The following HLA-DPA1 variants were observed in gnomAD, a reference collection of about 807,000 sequenced individuals.
HLA-DPA1 encodes the protein major histocompatibility complex, class II, DP alpha 1, also known as HLA class II histocompatibility antigen, DP alpha 1 chain.
A neutral mutation model predicts 21.5 loss-of-function variants in HLA-DPA1; 20 were observed. The observed-to-expected ratio is 0.93, with a 90% CI of 0.66 to 1.35. The LOEUF (loss-of-function observed/expected upper bound fraction) is 1.35. HLA-DPA1 is among the 40% of genes most tolerant of loss of function. The pLI, the probability that HLA-DPA1 is intolerant of heterozygous loss-of-function variation, is 0.00. For missense variants in HLA-DPA1, 279 were observed against 323.0 expected (o/e 0.86, Z 1.05); for synonymous variants, 123 against 129.6 (o/e 0.95, Z 0.35).
chr6:33,079,740 G>T, intron 1 of HLA-DPA1: 1 of 504,828 alleles, frequency 2.0e-6, no homozygotes, highest in South Asian at 1.4e-5. Context: ...AAATCTTACT[G>T]TGCTGAGATC....
chr6:33,076,169 G>A (rs1489539370), intron 1 of HLA-DPA1: 2 of 1,485,230 alleles, frequency 1.3e-6, no homozygotes, highest in African/African-American at 1.4e-5. Flanking sequence ...ATTCTTGGAG[G>A]GTCTGGCTCA....
At chr6:33,068,059 T>C (rs1372396873) in intron 5 of HLA-DPA1, 1 of 152,202 alleles carries the variant, frequency 6.6e-6, no homozygotes, top group African/African-American at 2.4e-5. Flanking sequence ...TTATGATAAA[T>C]AGAAACCTGT....
At chr6:33,074,110 T>C (rs949816361) in intron 1 of HLA-DPA1, among the ~76,000 whole-genome samples, 2 of 152,232 alleles carry the variant, frequency 1.3e-5, no homozygotes, top group African/African-American at 4.8e-5. Flanking sequence ...AGATACCTCC[T>C]TTTTATTTAA....
At chr6:33,076,734 G>T (rs144015997) in intron 1 of HLA-DPA1, among the ~76,000 whole-genome samples, 3,301 of 152,192 alleles carry the variant, frequency 0.022, 49 homozygotes, top group Middle Eastern at 0.079. Flanking sequence ...AGTGGGTTGC[G>T]ACTTGTAGGA....
chr6:33,073,379 G>C, intron 2 of HLA-DPA1, 92 bp downstream of exon 1: 1 of 804,840 alleles, frequency 1.2e-6, no homozygotes, highest in Non-Finnish European at 2.2e-6. Context: ...ATAGATCAAT[G>C]AGCCCCTAAA....
In HLA-DPA1 at chr6:33,080,308, A is replaced by T; in HGVS notation, c.-100+372T>A. ...AGTAGGGGGAGCAGCTCCGCCCTCCACGTCCCCAGCTCCTCCCGCCCCTGT... is the reference window on the plus strand; with the variant it reads ...AGTAGGGGGAGCAGCTCCGCCCTCCTCGTCCCCAGCTCCTCCCGCCCCTGT... On this transcript the variant is annotated intron_variant, in intron 1 of 5. Coordinates refer to ENST00000419277, the Ensembl canonical transcript of HLA-DPA1. This position sits in a 1 kb window ranked among gnomAD's most constrained non-coding sequence, Gnocchi z 4.3. 2.3e-6 allele frequency: 1 copy of T among 434,870 alleles called. No homozygotes were observed. Among genetic ancestry groups the T allele is most frequent in the Non-Finnish European group, 4.5e-6 (1 of 220,672 alleles). 26.9% of individuals were successfully genotyped at this position (434,870 alleles called of 1,614,324 possible).
Position 33,076,265 on chromosome 6 carries a change from T to C in HLA-DPA1, c.-99-2596A>G, listed in dbSNP as rs145904501. 1,349 of 651,190 alleles carry C rather than the reference T, an allele frequency of 2.1e-3. 14 individuals are homozygous for C. The highest frequency in any genetic ancestry group is 0.012 in the East Asian group (422 of 36,626). 40.3% of individuals were successfully genotyped at this position (651,190 alleles called of 1,614,324 possible). On this transcript the variant is annotated intron_variant, in intron 1 of 5. Coordinates refer to ENST00000419277, the Ensembl canonical transcript of HLA-DPA1. ...GCTCCTGCCCTAAGGCAGTGTCCTC[T>C]CTTCCCAGCTAGAGAAAGAGGTTCA...
At chr6:33,071,419 A>T (rs66977180) in intron 2 of HLA-DPA1, among the ~76,000 whole-genome samples, 29,340 of 152,102 alleles carry the variant, frequency 0.19, 3,421 homozygotes, top group African/African-American at 0.32. Flanking sequence ...CATCTTCTTA[A>T]TACATGAATG....
In HLA-DPA1 at chr6:33,080,329, CCT is replaced by C. The variant is rs1762768085; in HGVS notation, c.-100+349_-100+350del. ...CTCCACGTCCCCAGCTCCTCCCGCC[CCT>C]GTTTTTTCTCCCAGTGACCCCACGT... On this transcript the variant is annotated intron_variant, in intron 1 of 5. Coordinates refer to ENST00000419277, the Ensembl canonical transcript of HLA-DPA1. The surrounding 1 kb of genome is among the most constrained non-coding windows in gnomAD (Gnocchi z 4.3). 2 of 491,960 alleles carry C rather than the reference CCT, an allele frequency of 4.1e-6. No individual in the cohort carries two copies. The highest frequency in any genetic ancestry group is 2.6e-5 in the Admixed American group (1 of 38,994). 30.5% of individuals were successfully genotyped at this position (491,960 alleles called of 1,614,324 possible).
chr6:33,080,715 T>C (rs772565701), upstream of HLA-DPA1: 3 of 1,613,228 alleles, frequency 1.9e-6, no homozygotes, highest in Admixed American at 1.7e-5. This position sits in a 1 kb window ranked among gnomAD's most constrained non-coding sequence, Gnocchi z 4.3. Flanking sequence ...ACGCGTTTAA[T>C]GGGACACAGC....
intron 1 of HLA-DPA1, among the ~76,000 whole-genome samples, chr6:33,077,638 C>T (rs186704996): frequency 3.3e-5 from 5 of 152,290 alleles, no homozygotes; most frequent in Admixed American, 2.0e-4. Flanking sequence ...ATTGTACTCT[C>T]AGGACATTTC....
chr6:33,067,796 A>C (rs1762033353), intron 5 of HLA-DPA1: 2 of 152,234 alleles, frequency 1.3e-5, no homozygotes, highest in African/African-American at 4.8e-5. Context: ...CCTATGAGGT[A>C]GGGGTAAGAG....
Position 33,080,515 on chromosome 6 carries a change from G to A in HLA-DPA1, c.-100+165C>T, listed in dbSNP as rs750089900. On this transcript the variant is annotated intron_variant, in intron 1 of 5. Transcript: ENST00000419277. The surrounding 1 kb of genome is among the most constrained non-coding windows in gnomAD (Gnocchi z 4.3). ...CAGGCCTGGAGAGGCTCTGCGACCC[G>A]CTTAGGACCACAGAACTCGGTACTA... 2 of 1,081,192 alleles carry A rather than the reference G, an allele frequency of 1.8e-6. No homozygotes were observed. The highest frequency in any genetic ancestry group is 1.4e-6 in the Non-Finnish European group (1 of 719,314). 67.0% of individuals were successfully genotyped at this position (1,081,192 alleles called of 1,614,324 possible). A position where few individuals can be genotyped will look rare whatever the true frequency, so the allele number is the denominator to read the frequency against.
exon 4 of HLA-DPA1, chr6:33,069,280 A>G (rs1274057752): frequency 1.2e-6 from 2 of 1,612,806 alleles, no homozygotes; most frequent in African/African-American, 1.3e-5. Context: ...TCCTTGGGAA[A>G]CACGGTCACC....
intron 3 of HLA-DPA1, 144 bp downstream of exon 2, chr6:33,069,497 G>A: frequency 2.6e-6 from 3 of 1,141,762 alleles, no homozygotes; most frequent in East Asian, 4.8e-5. Context: ...GCAAGCCCTT[G>A]CTGTAGTGGG....
chr6:33,077,190 A>G (rs1009238118), intron 1 of HLA-DPA1, among the ~76,000 whole-genome samples: 5 of 151,004 alleles, frequency 3.3e-5, no homozygotes, highest in African/African-American at 9.8e-5. Flanking sequence ...TGTCCTTGCA[A>G]TAGTTTGCTG....
rs1369873413 is a variant in HLA-DPA1 at position 33,068,621 on chromosome 6, C to A, written c.*12+17G>T. The A allele has an allele frequency of 6.4e-7, 1 of 1,571,092 alleles. No individual in the cohort carries two copies. ...TTACATTCTACAAATCCTAGGGCCT[C>A]CTCTTTACATTCCCACCTTTACAGT... is the stretch of plus-strand genomic sequence containing the variant. On this transcript the variant is annotated intron_variant, in intron 5 of 5. Transcript: ENST00000419277.
In HLA-DPA1 at chr6:33,077,451, G is replaced by A. The variant is rs912331975; in HGVS notation, c.-100+3229C>T. 2.6e-5 allele frequency among the ~76,000 whole-genome samples: 4 copies of A among 152,054 alleles called. No individual in the cohort carries two copies. The East Asian group carries it at 7.7e-4, about 29-fold the overall frequency. ...ATATATCCAGTAATGGGATGGCTGG[G>A]TCAAATGGTATTTCTAGTTCTAGAT... On this transcript the variant is annotated intron_variant, in intron 1 of 5. Transcript: ENST00000419277.
chr6:33,074,170 T>A (rs1762426067), intron 1 of HLA-DPA1, among the ~76,000 whole-genome samples: 1 of 152,252 alleles, frequency 6.6e-6, no homozygotes, highest in South Asian at 2.1e-4. Context: ...TTAATTAACT[T>A]GAATGAAGTT....
Sources: allele counts gnomAD v4.1 joint callset (sites outside exome capture counted in the v4.1 genomes callset), GRCh38; gene constraint gnomAD v4.1.1; non-coding constraint Gnocchi (gnomAD v3.1); transcripts MANE v1.5; gene names NCBI Gene and HGNC (gene_info 2026-07-23, HGNC 2026-07-21).